Variants in CPAP observed in about 807,000 individuals in gnomAD.
CPAP encodes the protein centrosomal P4.1-associated protein.
chr13:24,929,378 A>G, the CPAP span, among the ~76,000 whole-genome samples: 1 of 152,216 alleles, frequency 6.6e-6, no homozygotes, highest in South Asian at 2.1e-4. Context: ...TCATTTCTAC[A>G]GGATAGTTTT....
At chr13:24,916,326 A>C in the CPAP span, among the ~76,000 whole-genome samples, 1 of 152,164 alleles carries the variant, frequency 6.6e-6, no homozygotes, top group Non-Finnish European at 1.5e-5. Context: ...TATATAATCA[A>C]AGGAAAATGA....
the CPAP span, chr13:24,885,882 GT>G: frequency 5.4e-6 from 3 of 558,932 alleles, no homozygotes; most frequent in Non-Finnish European, 9.6e-6. Context: ...TTGTCTCAGA[GT>G]TTACAATCCT....
At chr13:24,911,850 C>T in the CPAP span, 1 of 1,476,018 alleles carries the variant, frequency 6.8e-7, no homozygotes, top group Non-Finnish European at 9.5e-7. Context: ...AACTGGAGTT[C>T]ACAACACATG....
At chr13:24,921,602 G>C in the CPAP span, among the ~76,000 whole-genome samples, 1 of 149,276 alleles carries the variant, frequency 6.7e-6, no homozygotes, top group Non-Finnish European at 1.5e-5. Flanking sequence ...TTTTCAGTAG[G>C]AAACCAATCT....
At chr13:24,884,489 C>CCT in the CPAP span, 1 of 1,613,142 alleles carries the variant, frequency 6.2e-7, no homozygotes, top group Non-Finnish European at 8.5e-7. Flanking sequence ...AAGATTATCA[C>CCT]CTAAGATTTT....
chr13:24,920,098 T>TG, the CPAP span, among the ~76,000 whole-genome samples: 1 of 152,168 alleles, frequency 6.6e-6, no homozygotes, highest in Non-Finnish European at 1.5e-5. Flanking sequence ...TCATGACAGA[T>TG]GGTGTCATTC....
At chr13:24,886,242 G>T in the CPAP span, 2 of 1,102,780 alleles carry the variant, frequency 1.8e-6, no homozygotes, top group Non-Finnish European at 2.4e-6. Context: ...AACTTGGAAG[G>T]GTCTCGAGCA....
chr13:24,886,438 T>C, the CPAP span: 5 of 1,063,300 alleles, frequency 4.7e-6, no homozygotes, highest in South Asian at 6.5e-5. Context: ...GATTTATAGG[T>C]CCCAAACTGC....
chr13:24,886,421 A>G, the CPAP span: 1 of 1,217,258 alleles, frequency 8.2e-7, no homozygotes, highest in South Asian at 1.3e-5. Context: ...CACCATGGGA[A>G]ATCACTGATT....
chr13:24,884,303 G>A, the CPAP span: 1 of 1,614,128 alleles, frequency 6.2e-7, no homozygotes, highest in Admixed American at 1.7e-5. Context: ...CTATGGAGGA[G>A]AACACCTCTG....
chr13:24,900,914 A>G, the CPAP span, among the ~76,000 whole-genome samples: 1 of 152,200 alleles, frequency 6.6e-6, no homozygotes, highest in African/African-American at 2.4e-5. Flanking sequence ...TCATGTGCTG[A>G]GACAGGGAAG....
the CPAP span, chr13:24,903,858 T>C: frequency 2.1e-6 from 3 of 1,459,432 alleles, no homozygotes; most frequent in Admixed American, 3.3e-5. Context: ...TCAGACTGTT[T>C]ATAGATGGTC....
the CPAP span, among the ~76,000 whole-genome samples, chr13:24,923,246 T>TTTTTTTTTCTATTTGCGTG: frequency 1.6e-5 from 1 of 63,464 alleles, no homozygotes; most frequent in South Asian, 8.0e-4. Flanking sequence ...TGGGTTTTGT[T>TTTTTTTTTCTATTTGCGTG]TTTTTTTTTT....
the CPAP span, among the ~76,000 whole-genome samples, chr13:24,886,576 G>C: frequency 4.6e-5 from 7 of 152,222 alleles, no homozygotes; most frequent in Non-Finnish European, 8.8e-5. Flanking sequence ...GGAGTACACA[G>C]GGGTTTAGGC....
the CPAP span, chr13:24,883,941 T>G: frequency 6.2e-7 from 1 of 1,614,076 alleles, no homozygotes; most frequent in South Asian, 1.1e-5. Flanking sequence ...GTGGTTTTTC[T>G]GTGAACATAA....
the CPAP span, chr13:24,883,386 AAAT>A: frequency 2.1e-5 from 33 of 1,562,206 alleles, no homozygotes; most frequent in South Asian, 2.8e-4. Context: ...AATTTAAAAA[AAAT>A]ATGATTTCTT....
chr13:24,892,745 G>A, the CPAP span: 1 of 1,614,022 alleles, frequency 6.2e-7, no homozygotes, highest in Non-Finnish European at 8.5e-7. Flanking sequence ...TTTCTTCCCG[G>A]AGGTCTGTGT....
At chr13:24,891,615 G>A in the CPAP span, among the ~76,000 whole-genome samples, 4 of 151,956 alleles carry the variant, frequency 2.6e-5, no homozygotes, top group African/African-American at 9.7e-5. Context: ...CTCTCCACCC[G>A]CCACTGCCAC....
the CPAP span, among the ~76,000 whole-genome samples, chr13:24,894,771 G>A: frequency 6.6e-6 from 1 of 152,114 alleles, no homozygotes; most frequent in Non-Finnish European, 1.5e-5. Context: ...AGTGGGTGGA[G>A]GATGACACGC....
Sources: allele counts gnomAD v4.1 joint callset (sites outside exome capture counted in the v4.1 genomes callset), GRCh38; gene constraint gnomAD v4.1.1; transcripts MANE v1.5; gene names NCBI Gene and HGNC (gene_info 2026-07-23, HGNC 2026-07-21).